Variants in UNC13B observed in about 807,000 individuals in gnomAD.
UNC13B encodes unc-13 homolog B.
Under a neutral mutation model 211.0 loss-of-function variants are expected in UNC13B, and 144 were observed. That is an observed-to-expected ratio of 0.68 (90% CI 0.60 to 0.78). The LOEUF (loss-of-function observed/expected upper bound fraction) is 0.78. Ranked by LOEUF, UNC13B falls within the 30% of genes least tolerant of loss-of-function variation. The pLI is 0.00. For missense variants in UNC13B, 1,777 were observed against 2,002.0 expected, an observed-to-expected ratio of 0.89 and a Z score of 2.14; for synonymous variants, 709 against 725.8, an observed-to-expected ratio of 0.98 and a Z score of 0.37.
chr9:35,310,726 C>T lies in UNC13B; in HGVS notation c.9268C>T (p.His3090Tyr). The T allele has an allele frequency of 1.9e-6, 3 of 1,613,984 alleles. No homozygotes were observed. Among genetic ancestry groups the T allele is most frequent in the East Asian group, 2.2e-5 (1 of 44,832 alleles). ...GGAGATGAAAGAAGATGCCACAACC[C>T]ACCCTCCCCCAGATCTGGTGCTGCA... ...PKEMKEDATT[H>Y]PPPDLVLQKD... is the part of the protein sequence containing the mutation. The change falls in exon 10 of 40, where the codon CAC becomes TAC. Residue 3090 changes from histidine to tyrosine, a missense_variant. Physicochemically the swap from His to Tyr is moderately conservative, Grantham distance 83. Transcript: ENST00000635942.
chr9:35,285,085 G>A (rs1263862615), intron 7 of UNC13B, among the ~76,000 whole-genome samples: 1 of 152,210 alleles, frequency 6.6e-6, no homozygotes, highest in African/African-American at 2.4e-5. Flanking sequence ...AGGGGATGGG[G>A]ATAAGTGCAG....
At chr9:35,250,850 C>T (rs1196528429) in intron 6 of UNC13B, among the ~76,000 whole-genome samples, 2 of 150,602 alleles carry the variant, frequency 1.3e-5, no homozygotes, top group African/African-American at 4.9e-5. Context: ...ATCCATTCTT[C>T]GATTCTTAGC....
intron 11 of UNC13B, among the ~76,000 whole-genome samples, chr9:35,334,758 C>A (rs1000115621): frequency 6.6e-6 from 1 of 152,066 alleles, no homozygotes; most frequent in African/African-American, 2.4e-5. Context: ...ATTAGGTGGC[C>A]GGGCGCGGTG....
intron 1 of UNC13B, among the ~76,000 whole-genome samples, chr9:35,213,728 T>C (rs1161668191): frequency 6.6e-6 from 1 of 152,138 alleles, no homozygotes; most frequent in African/African-American, 2.4e-5. Flanking sequence ...TTAGTCTGAG[T>C]TCTGGGTGGA....
chr9:35,207,478 TTTTATTTATTTA>T (rs56280520), intron 1 of UNC13B, among the ~76,000 whole-genome samples: 52 of 142,978 alleles, frequency 3.6e-4, no homozygotes, highest in Non-Finnish European at 6.0e-5. Flanking sequence ...AGAAATTAAT[TTTTATTTATTTA>T]TTTATTTATT....
At chr9:35,172,031 A>G (rs925245115) in intron 1 of UNC13B, among the ~76,000 whole-genome samples, 3 of 151,722 alleles carry the variant, frequency 2.0e-5, no homozygotes, top group African/African-American at 7.3e-5. Flanking sequence ...TTAAAATTTT[A>G]TTTATTAATT....
chr9:35,173,830 G>C (rs975708854), intron 1 of UNC13B, among the ~76,000 whole-genome samples: 1 of 152,196 alleles, frequency 6.6e-6, no homozygotes, highest in African/African-American at 2.4e-5. Flanking sequence ...GTTTTAGACA[G>C]ACATGGCTTG....
intron 1 of UNC13B, among the ~76,000 whole-genome samples, chr9:35,195,693 G>A (rs998242420): frequency 1.7e-4 from 26 of 152,146 alleles, no homozygotes; most frequent in African/African-American, 6.3e-4. Context: ...AATTCTCAGA[G>A]GGCCATACTG....
At chr9:35,330,976 G>T (rs1432128369) in intron 11 of UNC13B, among the ~76,000 whole-genome samples, 2 of 152,098 alleles carry the variant, frequency 1.3e-5, no homozygotes, top group African/African-American at 2.4e-5. Context: ...GTATTTTCTG[G>T]GCATAGTATC....
At chr9:35,181,177 C>T (rs1397570594) in intron 1 of UNC13B, among the ~76,000 whole-genome samples, 1 of 152,150 alleles carries the variant, frequency 6.6e-6, no homozygotes, top group Non-Finnish European at 1.5e-5. Context: ...CTTTTATTTT[C>T]ATTCAAAAAA....
chr9:35,377,476 G>C lies in UNC13B; in HGVS notation c.9844G>C (p.Glu3282Gln), dbSNP rs746701405. The change falls in exon 16 of 40, where the codon GAA becomes CAA. Residue 3282 changes from glutamate to glutamine, a missense_variant. Physicochemically the swap from Glu to Gln is conservative, Grantham distance 29 (BLOSUM62 2). Coordinates refer to ENST00000635942, the MANE Select transcript of UNC13B (RefSeq NM_001371189.2). ...TTCCTGGCCACCTTCAGGGGCTGCA[G>C]AAAAGAGCTGTAAACATGGAGCTGA... Reference protein sequence around the residue: ...LNADCLQRAAEKSCKHGAEDR... With the variant: ...LNADCLQRAAQKSCKHGAEDR... 7 of 1,614,206 alleles carry C rather than the reference G, an allele frequency of 4.3e-6. No homozygotes were observed. The highest frequency in any genetic ancestry group is 5.1e-6 in the Non-Finnish European group (6 of 1,180,032).
chr9:35,192,201 G>A (rs1822697010), intron 1 of UNC13B, among the ~76,000 whole-genome samples: 1 of 152,086 alleles, frequency 6.6e-6, no homozygotes, highest in African/African-American at 2.4e-5. Flanking sequence ...AAGCATATAG[G>A]AGCCATTTTA....
At chr9:35,173,104 G>T (rs946181077) in intron 1 of UNC13B, among the ~76,000 whole-genome samples, 4 of 152,176 alleles carry the variant, frequency 2.6e-5, no homozygotes, top group Non-Finnish European at 5.9e-5. Context: ...AGGGCAGGGA[G>T]GGAGATCTGC....
chr9:35,397,491 G>A, intron 29 of UNC13B, 144 bp from the exon 30 acceptor site: 1 of 1,277,120 alleles, frequency 7.8e-7, no homozygotes, highest in South Asian at 1.4e-5. Context: ...CTGTGGTTGA[G>A]AGAGAGCTTT....
intron 7 of UNC13B, among the ~76,000 whole-genome samples, chr9:35,275,624 G>A (rs530280052): frequency 4.6e-5 from 7 of 152,134 alleles, no homozygotes; most frequent in African/African-American, 9.6e-5. Context: ...ATGGAGTCTC[G>A]CTTTGTTGCC....
chr9:35,180,928 T>TAA (rs11427601), intron 1 of UNC13B, among the ~76,000 whole-genome samples: 23,784 of 140,878 alleles, frequency 0.17, 2,617 homozygotes, highest in Non-Finnish European at 0.24. Context: ...ACCCTGTCTT[T>TAA]AAAAAAAAAA....
chr9:35,241,595 AC>A (rs1044101806), intron 5 of UNC13B, among the ~76,000 whole-genome samples: 16 of 101,058 alleles, frequency 1.6e-4, no homozygotes, highest in South Asian at 3.2e-4. Flanking sequence ...ACACACACAC[AC>A]CACCATCTTC....
intron 1 of UNC13B, among the ~76,000 whole-genome samples, chr9:35,196,389 G>A (rs1217230826): frequency 6.6e-6 from 1 of 152,240 alleles, no homozygotes; most frequent in African/African-American, 2.4e-5. Flanking sequence ...TGGCTGCAGA[G>A]TCAGTGTGAA....
chr9:35,317,023 T>C (rs1313487007), intron 11 of UNC13B, among the ~76,000 whole-genome samples: 1 of 152,172 alleles, frequency 6.6e-6, no homozygotes, highest in Admixed American at 6.5e-5. Flanking sequence ...TTTGTTATGC[T>C]TTTCACATTT....
Sources: allele counts gnomAD v4.1 joint callset (sites outside exome capture counted in the v4.1 genomes callset), GRCh38; gene constraint gnomAD v4.1.1; transcripts MANE v1.5; gene names NCBI Gene and HGNC (gene_info 2026-07-23, HGNC 2026-07-21).